TNNI3K: variants seen among roughly 807,000 people sequenced by gnomAD.
The protein encoded by TNNI3K is TNNI3 interacting kinase.
TNNI3K carries 140 observed loss-of-function variants against 114.5 expected under a neutral mutation model. That is an observed-to-expected ratio of 1.22 (90% CI 1.07 to 1.41). TNNI3K has a LOEUF of 1.41. Ranked by LOEUF, TNNI3K falls within the 40% of genes most tolerant of loss-of-function variation. The probability of loss-of-function intolerance (pLI) is 0.00; values close to 1 mark genes in which losing one functional copy is unlikely to be tolerated. For synonymous variants in TNNI3K, 347 were observed against 347.5 expected (o/e 1.00, Z 0.02); for missense variants, 1,125 against 1,007.6 (o/e 1.12, Z -1.58).
chr1:74,331,661 C>A lies in TNNI3K; in HGVS notation c.543+113C>A, dbSNP rs935990736. ...TTAAAATATATTTGAATTATTTTTGCCATATTCTCATCAACCCATCCTTGA... is the reference window on the plus strand; with the variant it reads ...TTAAAATATATTTGAATTATTTTTGACATATTCTCATCAACCCATCCTTGA... On this transcript the variant is annotated intron_variant, in intron 6 of 24. Transcript: ENST00000326637. The A allele has an allele frequency of 8.1e-6, 8 of 988,602 alleles. No individual in the cohort carries two copies. The Admixed American group carries it at 2.6e-4, about 32-fold the overall frequency. 61.2% of individuals were successfully genotyped at this position (988,602 alleles called of 1,614,324 possible). A position where few individuals can be genotyped will look rare whatever the true frequency, so the allele number is the denominator to read the frequency against.
intron 4 of TNNI3K, among the ~76,000 whole-genome samples, chr1:74,254,247 T>G (rs764724408): frequency 2.0e-5 from 3 of 152,212 alleles, no homozygotes; most frequent in South Asian, 4.2e-4. Context: ...AACAAGAAAA[T>G]TCACTTACAT....
At chr1:74,442,481 C>T (rs1185012116) in intron 20 of TNNI3K, among the ~76,000 whole-genome samples, 1 of 151,866 alleles carries the variant, frequency 6.6e-6, no homozygotes, top group Non-Finnish European at 1.5e-5. Context: ...ATCAGCTTGT[C>T]TATATTCCTA....
chr1:74,492,268 T>G lies in TNNI3K; in HGVS notation c.2351+2T>G. On this transcript the variant is annotated splice_donor_variant, in intron 23 of 24. Coordinates refer to ENST00000326637, the MANE Select transcript of TNNI3K (RefSeq NM_015978.3). LOFTEE classifies it high-confidence loss of function. ...GTCCTATGCTGCTTTGTCCCAAAGG[T>G]GAGTGGTAATATAAGCAAATCTCAC... 6.5e-7 allele frequency: 1 copy of G among 1,530,032 alleles called. No homozygotes were observed. Among genetic ancestry groups the G allele is most frequent in the Non-Finnish European group, 8.9e-7 (1 of 1,126,482 alleles). The allele number at this position is 1,530,032 out of a possible 1,614,324, so 94.8% of individuals were successfully genotyped here.
At chr1:74,238,093 G>C (rs1357536676) in intron 2 of TNNI3K, among the ~76,000 whole-genome samples, 1 of 151,970 alleles carries the variant, frequency 6.6e-6, no homozygotes, top group Non-Finnish European at 1.5e-5. Flanking sequence ...TAGATAAAAA[G>C]CATAGTTAAG....
intron 20 of TNNI3K, among the ~76,000 whole-genome samples, chr1:74,446,055 A>C (rs1666653282): frequency 6.6e-6 from 1 of 152,010 alleles, no homozygotes; most frequent in Admixed American, 6.5e-5. Context: ...GTATATACCC[A>C]GTAATGGGAT....
intron 17 of TNNI3K, chr1:74,375,853 C>T (rs1274473716): frequency 1.6e-5 from 4 of 256,644 alleles, no homozygotes; most frequent in South Asian, 8.3e-5. Flanking sequence ...TTGCAATTCC[C>T]GTCTTGATAA....
chr1:74,278,091 G>A (rs1656788966), intron 5 of TNNI3K, among the ~76,000 whole-genome samples: 1 of 151,704 alleles, frequency 6.6e-6, no homozygotes, highest in Non-Finnish European at 1.5e-5. Flanking sequence ...CTCTCCAAAG[G>A]CACAAATGAC....
intron 20 of TNNI3K, among the ~76,000 whole-genome samples, chr1:74,447,017 G>A (rs1416177372): frequency 8.9e-4 from 112 of 126,062 alleles, no homozygotes; most frequent in African/African-American, 2.3e-3. Context: ...TTGACTTGGC[G>A]ATGCGGGCTC....
At chr1:74,443,238 A>C (rs1666459626) in intron 20 of TNNI3K, among the ~76,000 whole-genome samples, 1 of 152,066 alleles carries the variant, frequency 6.6e-6, no homozygotes, top group Non-Finnish European at 1.5e-5. Flanking sequence ...TTTTTTGAAA[A>C]AATTAATAAA....
chr1:74,501,255 T>C (rs186921947), intron 23 of TNNI3K, among the ~76,000 whole-genome samples: 1 of 152,354 alleles, frequency 6.6e-6, no homozygotes, highest in East Asian at 1.9e-4. Flanking sequence ...ATTTAATGTG[T>C]TGTTTACTTT....
intron 23 of TNNI3K, among the ~76,000 whole-genome samples, chr1:74,525,365 T>C (rs539729658): frequency 6.6e-6 from 1 of 152,262 alleles, no homozygotes; most frequent in South Asian, 2.1e-4. Context: ...AAAAAAGGAA[T>C]GTGAGGCACA....
intron 17 of TNNI3K, among the ~76,000 whole-genome samples, chr1:74,397,749 C>A (rs1420176762): frequency 6.6e-6 from 1 of 152,136 alleles, no homozygotes; most frequent in East Asian, 1.9e-4. Context: ...AAGTGATATG[C>A]AGCATATCAT....
chr1:74,373,758 AC>A (rs1410346248), intron 17 of TNNI3K: 8 of 151,956 alleles, frequency 5.3e-5, no homozygotes, highest in Non-Finnish European at 1.0e-4. Context: ...GGGATGGGGC[AC>A]TTTTATATTT....
intron 23 of TNNI3K, among the ~76,000 whole-genome samples, chr1:74,524,862 G>A (rs573967680): frequency 6.6e-6 from 1 of 152,302 alleles, no homozygotes; most frequent in African/African-American, 2.4e-5. Flanking sequence ...GCATGCCACT[G>A]CAGGGGTTTG....
intron 17 of TNNI3K, chr1:74,377,290 A>G (rs1320348129): frequency 6.6e-6 from 1 of 152,024 alleles, no homozygotes; most frequent in Admixed American, 6.6e-5. Context: ...ACATTTGTGT[A>G]TCGACTTACT....
At chr1:74,512,995 C>T (rs1300954384) in intron 23 of TNNI3K, among the ~76,000 whole-genome samples, 1 of 152,158 alleles carries the variant, frequency 6.6e-6, no homozygotes, top group Non-Finnish European at 1.5e-5. Context: ...CACTAACATT[C>T]CTCTTGATAA....
At chr1:74,520,778 T>C (rs1646421066) in intron 23 of TNNI3K, among the ~76,000 whole-genome samples, 1 of 152,098 alleles carries the variant, frequency 6.6e-6, no homozygotes. Context: ...ACAGTCCCCT[T>C]TGAGTTGCAA....
At chr1:74,512,808 C>A (rs1570725197) in intron 23 of TNNI3K, among the ~76,000 whole-genome samples, 1 of 152,150 alleles carries the variant, frequency 6.6e-6, no homozygotes. Context: ...TTGGGAGCTT[C>A]ATACTGTATT....
chr1:74,275,015 A>C (rs571618286), intron 5 of TNNI3K, among the ~76,000 whole-genome samples: 2 of 152,226 alleles, frequency 1.3e-5, no homozygotes, highest in African/African-American at 4.8e-5. Context: ...AAAGTCAAAA[A>C]ATTGTAAGCT....
Sources: gnomAD v4.1 joint callset for allele counts (sites outside exome capture counted in the v4.1 genomes callset) on GRCh38, gnomAD v4.1.1 for gene constraint, MANE v1.5 for transcripts, NCBI Gene and HGNC (gene_info 2026-07-23, HGNC 2026-07-21) for gene names.